SLC45A3: variants seen among roughly 807,000 people sequenced by gnomAD.
The protein encoded by SLC45A3 is solute carrier family 45 member 3.
Under a neutral mutation model 35.3 loss-of-function variants are expected in SLC45A3, and 17 were observed. The observed-to-expected ratio is 0.48, with a 90% confidence interval of 0.33 to 0.72. The LOEUF is 0.72. Ranked by LOEUF, SLC45A3 falls within the 30% of genes least tolerant of loss-of-function variation. The pLI is 0.02. For synonymous variants in SLC45A3, 288 were observed against 334.3 expected (o/e 0.86, Z 1.51); for missense variants, 597 against 731.7 (o/e 0.82, Z 2.12).
chr1:205,674,931 G>A (rs1671286831), intron 1 of SLC45A3, among the ~76,000 whole-genome samples: 1 of 152,126 alleles, frequency 6.6e-6, no homozygotes, highest in Non-Finnish European at 1.5e-5. Context: ...GGCCAGGCTG[G>A]TCTCGAACAC....
At chr1:205,678,908 C>T (rs1671354369) in intron 1 of SLC45A3, among the ~76,000 whole-genome samples, 1 of 152,202 alleles carries the variant, frequency 6.6e-6, no homozygotes, top group Non-Finnish European at 1.5e-5. Flanking sequence ...TATGGGTTTC[C>T]TCAGGCTTCC....
At position 205,662,916 on chromosome 1, in the gene SLC45A3, T is replaced by A. The variant is rs749786156; in HGVS notation, c.875A>T (p.Tyr292Phe). ...CAGCCCCTCGCCCACGAAATCCGTG[T>A]AAAACAGCGTGAAGGTCATGAGTGC... ...WMALMTFTLF[Y>F]TDFVGEGLYQ... is the part of the protein sequence containing the mutation. Residue 292 changes from tyrosine to phenylalanine, a missense_variant, in exon 3 of 5, where the codon TAC (tyrosine) becomes TTC (phenylalanine). Tyr to Phe is a conservative substitution (Grantham distance 22, BLOSUM62 3). Transcript: ENST00000367145. The surrounding 1 kb of genome is among the most constrained non-coding windows in gnomAD (Gnocchi z 6.2). 1 of 1,613,368 alleles carries A rather than the reference T, an allele frequency of 6.2e-7. No homozygotes were observed. Among genetic ancestry groups the A allele is most frequent in the Admixed American group, 1.7e-5 (1 of 60,018 alleles).
chr1:205,659,327 A>C lies in SLC45A3; in HGVS notation c.1569T>G (p.Tyr523Ter). The part of the protein sequence containing the change: ...IVQLSQSVTA[Y>*]MVSAAGLGLV... ...GACCCAGGCCTGCGGCAGACACCAT[A>C]TAGGCAGTGACAGACTGGCTGAGCT... Residue 523 changes from tyrosine to a stop codon, truncating the protein, a stop_gained, in exon 5 of 5, where the codon TAT becomes TAG. Transcript: ENST00000367145. LOFTEE classifies it high-confidence loss of function. The surrounding 1 kb of genome is among the most constrained non-coding windows in gnomAD (Gnocchi z 5.8). 1 of 1,614,214 alleles carries C rather than the reference A, an allele frequency of 6.2e-7. No homozygotes were observed. The highest frequency in any genetic ancestry group is 8.5e-7 in the Non-Finnish European group (1 of 1,180,038).
chr1:205,658,690 TG>T lies in SLC45A3; in HGVS notation c.*543del. On this transcript the variant is annotated 3_prime_UTR_variant, in exon 5 of 5. Transcript: ENST00000367145. ...GACAGTGCTGTGGGCTGAGGGGACCTGGTTCTTGTGTGTTGCCCCTCAGGAC... is the reference window on the plus strand; with the variant it reads ...GACAGTGCTGTGGGCTGAGGGGACCTGTTCTTGTGTGTTGCCCCTCAGGAC... The T allele has an allele frequency of 4.2e-6, 1 of 235,446 alleles. No individual in the cohort carries two copies. The highest frequency in any genetic ancestry group is 6.0e-5 in the East Asian group (1 of 16,572). 14.6% of individuals were successfully genotyped at this position (235,446 alleles called of 1,614,324 possible). A position where few individuals can be genotyped will look rare whatever the true frequency, so the allele number is the denominator to read the frequency against.
intron 1 of SLC45A3, among the ~76,000 whole-genome samples, chr1:205,670,769 G>A (rs534160312): frequency 5.9e-5 from 9 of 152,284 alleles, no homozygotes; most frequent in Non-Finnish European, 1.0e-4. Flanking sequence ...GGCTGCCAGC[G>A]CCGGCCCCTT....
chr1:205,671,063 G>A (rs780303843), intron 1 of SLC45A3, among the ~76,000 whole-genome samples: 7 of 152,214 alleles, frequency 4.6e-5, no homozygotes, highest in Non-Finnish European at 1.0e-4. Flanking sequence ...GGGAAGGGGA[G>A]GGGAAGGGAC....
chr1:205,675,295 AT>A (rs566726101), intron 1 of SLC45A3, among the ~76,000 whole-genome samples: 308 of 152,262 alleles, frequency 2.0e-3, no homozygotes, highest in Non-Finnish European at 3.4e-3. Context: ...AAAGAGTAAT[AT>A]TTTTAGGCTG....
In SLC45A3 at chr1:205,669,063, C is replaced by T. The variant is rs1298225171; in HGVS notation, c.-230-4177G>A. The stretch of plus-strand genomic sequence containing the variant: ...AAGAAAAGGGGCCGGGAAATGTTTA[C>T]CTAATGAATGAATGGCTAAGAGCAA... On this transcript the variant is annotated intron_variant, in intron 1 of 4. Transcript: ENST00000367145. The surrounding 1 kb of genome is among the most constrained non-coding windows in gnomAD (Gnocchi z 4.1). Among the ~76,000 whole-genome samples the T allele has an allele frequency of 3.3e-5, 5 of 152,190 alleles. No individual in the cohort carries two copies. The East Asian group carries it at 9.6e-4, about 29-fold the overall frequency.
Position 205,662,749 on chromosome 1 carries a change from G to C in SLC45A3, c.958+84C>G, listed in dbSNP as rs1558034034. On this transcript the variant is annotated intron_variant, in intron 3 of 4. Coordinates refer to ENST00000367145, the MANE Select transcript of SLC45A3 (RefSeq NM_033102.3). This position sits in a 1 kb window ranked among gnomAD's most constrained non-coding sequence, Gnocchi z 6.2. ...ACAGAGAAGTCGGGGCCAGGATGGA[G>C]AGGCACCAGCCCAGACACAGCCCCG... The C allele has an allele frequency of 1.3e-6, 2 of 1,500,638 alleles. No homozygotes were observed. The highest frequency in any genetic ancestry group is 4.6e-5 in the East Asian group (2 of 43,782). 93.0% of individuals were successfully genotyped at this position (1,500,638 alleles called of 1,614,324 possible).
rs376979905 is a variant in SLC45A3 at position 205,670,728 on chromosome 1, G to A, written c.-230-5842C>T. Among the ~76,000 whole-genome samples, 22 of 152,290 alleles carry A rather than the reference G, an allele frequency of 1.4e-4. No homozygotes were observed. In the East Asian group the frequency reaches 2.9e-3, roughly 20 times the overall value. The stretch of plus-strand genomic sequence containing the variant: ...AAGGGGGATTAGGGAGAAACCTCTC[G>A]GCCTGCAGAGTAATCCATCAAACTC... On this transcript the variant is annotated intron_variant, in intron 1 of 4. Transcript: ENST00000367145.
intron 1 of SLC45A3, among the ~76,000 whole-genome samples, chr1:205,680,087 CACACCGCCGCCCCGCCT>C (rs1341940749): frequency 6.6e-6 from 1 of 150,794 alleles, no homozygotes; most frequent in African/African-American, 2.4e-5. Context: ...GCTCCCCGCC[CACACCGCCGCCCCGCCT>C]GGGACAGCGC....
intron 4 of SLC45A3, among the ~76,000 whole-genome samples, chr1:205,661,584 C>T (rs1335365697): frequency 2.0e-5 from 3 of 152,198 alleles, no homozygotes; most frequent in African/African-American, 7.2e-5. Context: ...CTCCTGCTGG[C>T]CTGACCCTTC....
intron 1 of SLC45A3, among the ~76,000 whole-genome samples, chr1:205,667,344 T>TA (rs1671135927): frequency 6.6e-6 from 1 of 152,068 alleles, no homozygotes; most frequent in African/African-American, 2.4e-5. Context: ...CCATCTCTAC[T>TA]AAAAATACAA....
At chr1:205,665,372 C>T (rs189771876) in intron 1 of SLC45A3, among the ~76,000 whole-genome samples, 3 of 152,132 alleles carry the variant, frequency 2.0e-5, no homozygotes. Flanking sequence ...CCACACTGCA[C>T]CACAACCCCT....
intron 1 of SLC45A3, among the ~76,000 whole-genome samples, chr1:205,673,599 G>C (rs528641751): frequency 1.3e-5 from 2 of 152,364 alleles, no homozygotes; most frequent in East Asian, 1.9e-4. Flanking sequence ...CCTGCACCAA[G>C]AGTCAGACCA....
Position 205,662,851 on chromosome 1 carries a change from G to C in SLC45A3, c.940C>G (p.Arg314Gly). The C allele has an allele frequency of 6.3e-7, 1 of 1,599,458 alleles. No individual in the cohort carries two copies. Among genetic ancestry groups the C allele is most frequent in the Non-Finnish European group, 8.5e-7 (1 of 1,170,986 alleles). ...GCCTTACCTTCATCATAGTGTCTCCGGGCCTCGGTGCCCGGCTCAGCTCTG... is the reference window on the plus strand; with the variant it reads ...GCCTTACCTTCATCATAGTGTCTCCCGGCCTCGGTGCCCGGCTCAGCTCTG... ...VPRAEPGTEA[R>G]RHYDEGVRMG... The change falls in exon 3 of 5, where the codon CGG becomes GGG. Residue 314 changes from arginine (R) to glycine (G), a missense_variant. Physicochemically the swap from Arg to Gly is moderately radical, Grantham distance 125. Coordinates refer to ENST00000367145, the MANE Select transcript of SLC45A3 (RefSeq NM_033102.3). The surrounding 1 kb of genome is among the most constrained non-coding windows in gnomAD (Gnocchi z 6.2).
rs756695486 is a variant in SLC45A3 at position 205,663,233 on chromosome 1, A to G, written c.558T>C (p.Ser186=). 2 of 1,613,640 alleles carry G rather than the reference A, an allele frequency of 1.2e-6. No individual in the cohort carries two copies. Among genetic ancestry groups the G allele is most frequent in the Non-Finnish European group, 8.5e-7 (1 of 1,180,024 alleles). ...GGGTGCCCAGGTAGGGGGCCAGGGCACTGGTGTCCCAGTCAATGGCAGGCA... is the reference window on the plus strand; with the variant it reads ...GGGTGCCCAGGTAGGGGGCCAGGGCGCTGGTGTCCCAGTCAATGGCAGGCA... ...YLLPAIDWDT[S]ALAPYLGTQE... The change falls in exon 3 of 5, where the codon AGT becomes AGC. Residue 186 remains serine (S), a synonymous_variant. Transcript: ENST00000367145.
At position 205,662,901 on chromosome 1, in the gene SLC45A3, C is replaced by T; in HGVS notation, c.890G>A (p.Gly297Asp). The change falls in exon 3 of 5, where the codon GGC becomes GAC. Residue 297 changes from glycine to aspartate, a missense_variant. Physicochemically the swap from Gly to Asp is moderately conservative, Grantham distance 94. Coordinates refer to ENST00000367145, the MANE Select transcript of SLC45A3 (RefSeq NM_033102.3). This position sits in a 1 kb window ranked among gnomAD's most constrained non-coding sequence, Gnocchi z 6.2. ...TFTLFYTDFV[G>D]EGLYQGVPRA... is the part of the protein sequence containing the mutation. Reference sequence around the variant, plus strand: ...GGGCACGCCCTGGTACAGCCCCTCGCCCACGAAATCCGTGTAAAACAGCGT... The same window carrying T: ...GGGCACGCCCTGGTACAGCCCCTCGTCCACGAAATCCGTGTAAAACAGCGT... 1 of 1,612,924 alleles carries T rather than the reference C, an allele frequency of 6.2e-7. No homozygotes were observed. The highest frequency in any genetic ancestry group is 8.5e-7 in the Non-Finnish European group (1 of 1,179,822).
At chr1:205,677,010 G>A (rs183344634) in intron 1 of SLC45A3, among the ~76,000 whole-genome samples, 1 of 152,310 alleles carries the variant, frequency 6.6e-6, no homozygotes, top group African/African-American at 2.4e-5. Flanking sequence ...TAAGGGTTGG[G>A]GAGGGAGGAC....
Sources: allele counts gnomAD v4.1 joint callset (sites outside exome capture counted in the v4.1 genomes callset), GRCh38; gene constraint gnomAD v4.1.1; non-coding constraint Gnocchi (gnomAD v3.1); transcripts MANE v1.5; gene names NCBI Gene and HGNC (gene_info 2026-07-23, HGNC 2026-07-21).